The following FZD3 variants were observed in gnomAD, a reference collection of about 807,000 sequenced individuals.
The protein encoded by FZD3 is frizzled-3.
A neutral mutation model predicts 60.7 loss-of-function variants in FZD3; 30 were observed. That is an observed-to-expected ratio of 0.49 (90% CI 0.37 to 0.67). The LOEUF is 0.67. Among genes scored for constraint, FZD3 ranks in the 30% least tolerant of loss-of-function variants. The pLI, the probability that FZD3 is intolerant of heterozygous loss-of-function variation, is 0.00. For missense variants in FZD3, 605 were observed against 838.7 expected (o/e 0.72, Z 3.44); for synonymous variants, 246 against 275.2 (o/e 0.89, Z 1.05).
chr8:28,556,648 T>C (rs1171040180), intron 7 of FZD3, among the ~76,000 whole-genome samples: 1 of 152,240 alleles, frequency 6.6e-6, no homozygotes, highest in Non-Finnish European at 1.5e-5. Flanking sequence ...TTATGAGCCA[T>C]ATGGTCTTCA....
intron 3 of FZD3, among the ~76,000 whole-genome samples, chr8:28,509,590 C>T (rs1211672256): frequency 2.0e-5 from 3 of 152,124 alleles, no homozygotes; most frequent in Non-Finnish European, 4.4e-5. Context: ...ACAAATCAGT[C>T]CTCATTTTTT....
chr8:28,527,306 G>A lies in FZD3; in HGVS notation c.546G>A (p.Val182=). Residue 182 remains valine (V), a synonymous_variant, in exon 5 of 8, where the codon GTG becomes GTA. Coordinates refer to ENST00000240093, the MANE Select transcript of FZD3 (RefSeq NM_017412.4). The surrounding 1 kb of genome is among the most constrained non-coding windows in gnomAD (Gnocchi z 5.0). Reference sequence around the variant, plus strand: ...ATCTGGGTTATTCTTTTCTGCATGTGCGTGATTGTTCACCTCCTTGTCCAA... The same window carrying A: ...ATCTGGGTTATTCTTTTCTGCATGTACGTGATTGTTCACCTCCTTGTCCAA... The part of the protein sequence containing the change: ...DPDLGYSFLH[V]RDCSPPCPNM... The A allele has an allele frequency of 6.2e-7, 1 of 1,614,010 alleles. No homozygotes were observed. Among genetic ancestry groups the A allele is most frequent in the South Asian group, 1.1e-5 (1 of 91,068 alleles).
chr8:28,530,328 C>T (rs1804835746), intron 5 of FZD3: 1 of 152,008 alleles, frequency 6.6e-6, no homozygotes, highest in Non-Finnish European at 1.5e-5. Context: ...TTCAGTTCCT[C>T]ATAGTATGAG....
At chr8:28,544,283 A>G (rs1230034504) in intron 5 of FZD3, among the ~76,000 whole-genome samples, 2 of 152,158 alleles carry the variant, frequency 1.3e-5, no homozygotes, top group Middle Eastern at 3.2e-3. Flanking sequence ...AAGTAGTAGT[A>G]TGCCATATCG....
intron 6 of FZD3, among the ~76,000 whole-genome samples, chr8:28,555,451 A>G (rs532812533): frequency 3.9e-5 from 6 of 152,336 alleles, no homozygotes; most frequent in African/African-American, 1.4e-4. Context: ...GAAAGAGGAG[A>G]TAATGACATG....
At chr8:28,529,505 G>A (rs752711958) in intron 5 of FZD3, among the ~76,000 whole-genome samples, 1 of 152,080 alleles carries the variant, frequency 6.6e-6, no homozygotes, top group Non-Finnish European at 1.5e-5. Flanking sequence ...TGATATTGTG[G>A]GTATATTGCT....
In FZD3 at chr8:28,520,269, C is replaced by T. The variant is rs140404006; in HGVS notation, c.190-369C>T. 1.8e-3 allele frequency among the ~76,000 whole-genome samples: 258 copies of T among 146,656 alleles called. 2 individuals are homozygous for T. Among genetic ancestry groups the T allele is most frequent in the African/African-American group, 6.1e-3 (242 of 39,716 alleles). On this transcript the variant is annotated intron_variant, in intron 3 of 7. Transcript: ENST00000240093. ...GAAAGAAATACTTAAAGGAAGAAAACGAAAATTTCTTGTAATCCCATCACC... is the reference window on the plus strand; with the variant it reads ...GAAAGAAATACTTAAAGGAAGAAAATGAAAATTTCTTGTAATCCCATCACC...
chr8:28,542,182 C>T (rs1269858953), intron 5 of FZD3, among the ~76,000 whole-genome samples: 1 of 149,110 alleles, frequency 6.7e-6, no homozygotes, highest in Non-Finnish European at 1.5e-5. Context: ...TACCATTTCT[C>T]TTCCATCCAT....
At chr8:28,560,971 A>C (rs1805602405) in intron 7 of FZD3, among the ~76,000 whole-genome samples, 1 of 152,220 alleles carries the variant, frequency 6.6e-6, no homozygotes, top group Admixed American at 6.5e-5. Context: ...ATAACTTTTT[A>C]CCCATTAACA....
chr8:28,519,399 T>C (rs1053178657), intron 3 of FZD3, among the ~76,000 whole-genome samples: 1 of 152,188 alleles, frequency 6.6e-6, no homozygotes, highest in Non-Finnish European at 1.5e-5. Flanking sequence ...AGCATTAGTT[T>C]GTTTACATCA....
In FZD3 at chr8:28,562,781, A is replaced by G; in HGVS notation, c.1788-17A>G. The G allele has an allele frequency of 6.7e-7, 1 of 1,496,990 alleles. No individual in the cohort carries two copies. The highest frequency in any genetic ancestry group is 1.2e-5 in the South Asian group (1 of 85,918). 92.7% of individuals were successfully genotyped at this position (1,496,990 alleles called of 1,614,324 possible). A position where few individuals can be genotyped will look rare whatever the true frequency, so the allele number is the denominator to read the frequency against. On this transcript the variant is annotated splice_polypyrimidine_tract_variant and intron_variant, in intron 7 of 7. Coordinates refer to ENST00000240093, the MANE Select transcript of FZD3 (RefSeq NM_017412.4). ...AGTGTGTTCTGTTACCCACTTCAAA[A>G]TAAACTCTCATGACAGGTACACGCC...
intron 5 of FZD3, among the ~76,000 whole-genome samples, chr8:28,544,006 T>C (rs2130439486): frequency 6.6e-6 from 1 of 152,108 alleles, no homozygotes; most frequent in Non-Finnish European, 1.5e-5. Flanking sequence ...CTTGAATATA[T>C]TAATGTATAA....
intron 3 of FZD3, 74 bp from the exon 4 acceptor site, chr8:28,520,564 T>C (rs981325658): frequency 2.5e-6 from 2 of 802,420 alleles, no homozygotes; most frequent in Non-Finnish European, 3.7e-6. Context: ...AGAAAGAGAA[T>C]GTTGCAGTAT....
intron 3 of FZD3, among the ~76,000 whole-genome samples, chr8:28,514,472 T>C: frequency 6.6e-6 from 1 of 152,204 alleles, no homozygotes; most frequent in Admixed American, 6.5e-5. Context: ...TGTGAAACCA[T>C]CACCACAGTC....
chr8:28,552,454 C>T (rs1805430374), intron 6 of FZD3, among the ~76,000 whole-genome samples: 1 of 151,976 alleles, frequency 6.6e-6, no homozygotes, highest in Non-Finnish European at 1.5e-5. Flanking sequence ...AAAACAAGAC[C>T]CTTCAGTTTT....
intron 5 of FZD3, among the ~76,000 whole-genome samples, chr8:28,542,284 G>C (rs1444038962): frequency 6.6e-6 from 1 of 151,972 alleles, no homozygotes; most frequent in Admixed American, 6.6e-5. Context: ...TGTTTCTTCT[G>C]CCTAAATCCC....
rs901525948 is a variant in FZD3, at chr8:28,565,571, T to C, written c.*2560T>C. 1.3e-5 allele frequency: 2 copies of C among 152,208 alleles called. No homozygotes were observed. Among genetic ancestry groups the C allele is most frequent in the African/African-American group, 4.8e-5 (2 of 41,464 alleles). The allele number at this position is 152,208 out of a possible 1,614,324, so 9.4% of individuals were successfully genotyped here. A position where few individuals can be genotyped will look rare whatever the true frequency, so the allele number is the denominator to read the frequency against. On this transcript the variant is annotated 3_prime_UTR_variant, in exon 8 of 8. Transcript: ENST00000240093. ...TTTTCTTTTACAAGTGGGCCAAGTA[T>C]AGACAGTTAAGTGAACATCACTATG... is the stretch of plus-strand genomic sequence containing the variant.
chr8:28,516,076 T>C (rs1193652063), intron 3 of FZD3, among the ~76,000 whole-genome samples: 1 of 152,218 alleles, frequency 6.6e-6, no homozygotes, highest in Non-Finnish European at 1.5e-5. Flanking sequence ...GAGTTGATTT[T>C]TGTATATAAG....
At position 28,494,307 on chromosome 8, in the gene FZD3, C is replaced by CA. The variant is rs1554530334; in HGVS notation, c.-427_-426insA. 4.4e-4 allele frequency: 2 copies of CA among 4,544 alleles called. No individual in the cohort carries two copies. The highest frequency in any genetic ancestry group is 1.3e-3 in the Non-Finnish European group (2 of 1,550). The allele number at this position is 4,544 out of a possible 1,614,324, so 0.3% of individuals were successfully genotyped here. ...CGGCCGCCCGCGGCAGGCGGTGCAG[C>CA]CCCCCCACCCCTTGGAGCCAGGCGC... On this transcript the variant is annotated 5_prime_UTR_variant, in exon 1 of 8. Transcript: ENST00000240093.
Sources: allele counts gnomAD v4.1 joint callset (sites outside exome capture counted in the v4.1 genomes callset), GRCh38; gene constraint gnomAD v4.1.1; non-coding constraint Gnocchi (gnomAD v3.1); transcripts MANE v1.5; gene names NCBI Gene and HGNC (gene_info 2026-07-23, HGNC 2026-07-21).